Variants in ARHGAP28 observed in about 807,000 individuals in gnomAD.
The protein encoded by ARHGAP28 is Rho GTPase activating protein 28, also known as rho GTPase-activating protein 28.
In ARHGAP28, 56 loss-of-function variants were observed where a neutral mutation model predicts 90.7. That is an observed-to-expected ratio of 0.62 (90% CI 0.50 to 0.77). The LOEUF is 0.77. Among genes scored for constraint, ARHGAP28 ranks in the 30% least tolerant of loss-of-function variants. The pLI is 0.00. For synonymous variants in ARHGAP28, 308 were observed against 323.3 expected (o/e 0.95, Z 0.51); for missense variants, 869 against 900.9 (o/e 0.96, Z 0.45).
rs761051990 is a variant in ARHGAP28 at position 6,873,732 on chromosome 18, G to A, written c.1169G>A (p.Arg390Gln). The A allele has an allele frequency of 2.4e-5, 38 of 1,613,900 alleles. 1 individual carries two copies. Among genetic ancestry groups the A allele is most frequent in the South Asian group, 1.5e-4 (14 of 91,062 alleles). ...CTTACAGTCCTCCTGGACGGTGACC[G>A]AAAGAAAGACCCTGGAGTGAAAGTT... ...VPLTVLLDGD[R>Q]KKDPGVKVPL... The change falls in exon 9 of 18, where the codon CGA becomes CAA. Residue 390 changes from arginine (R) to glutamine (Q), a missense_variant. Transcript: ENST00000383472.
At chr18:6,898,569 A>G (rs2057321321) in intron 16 of ARHGAP28, 1 of 1,612,496 alleles carries the variant, frequency 6.2e-7, no homozygotes, top group African/African-American at 1.3e-5. Flanking sequence ...GGACATCTCC[A>G]CATAGGCAGT....
intron 1 of ARHGAP28, among the ~76,000 whole-genome samples, chr18:6,814,551 G>A (rs949862772): frequency 2.0e-5 from 3 of 152,154 alleles, no homozygotes; most frequent in Admixed American, 1.3e-4. Flanking sequence ...AGAAGAAACA[G>A]GGGCTAAATG....
rs768682890 is a variant in ARHGAP28 at position 6,873,704 on chromosome 18, C to T, written c.1141C>T (p.Pro381Ser). ...TGAAGACAATGGGATTTTTGGAGTT[C>T]CACTTACAGTCCTCCTGGACGGTGA... is the stretch of plus-strand genomic sequence containing the variant. ...KGRDNGIFGV[P>S]LTVLLDGDRK... Residue 381 changes from proline (P) to serine (S), a missense_variant, in exon 9 of 18, where the codon CCA (proline) becomes TCA (serine). Pro to Ser is a moderately conservative substitution (Grantham distance 74). Coordinates refer to ENST00000383472, the MANE Select transcript of ARHGAP28 (RefSeq NM_001366230.1). The T allele has an allele frequency of 1.9e-6, 3 of 1,613,660 alleles. No individual in the cohort carries two copies. Among genetic ancestry groups the T allele is most frequent in the East Asian group, 2.2e-5 (1 of 44,856 alleles).
intron 17 of ARHGAP28, 37 bp downstream of exon 17, chr18:6,909,061 C>A: frequency 1.8e-6 from 2 of 1,110,350 alleles, no homozygotes; most frequent in South Asian, 1.4e-5. Context: ...GCTAAATTCT[C>A]TGATTACTCT....
At chr18:6,735,932 C>T (rs7244867) in intron 1 of ARHGAP28, among the ~76,000 whole-genome samples, 5,538 of 152,154 alleles carry the variant, frequency 0.036, 346 homozygotes, top group African/African-American at 0.13. Context: ...GGGTATGCGA[C>T]GTTGACATCT....
chr18:6,842,224 G>A (rs4798496), intron 3 of ARHGAP28, among the ~76,000 whole-genome samples: 45,851 of 151,922 alleles, frequency 0.3, 7,657 homozygotes, highest in Non-Finnish European at 0.37. Flanking sequence ...GCGGTGGCAC[G>A]TACCTGCTGT....
At chr18:6,743,547 A>G (rs1430664469) in intron 1 of ARHGAP28, among the ~76,000 whole-genome samples, 1 of 152,214 alleles carries the variant, frequency 6.6e-6, no homozygotes, top group African/African-American at 2.4e-5. Context: ...GAGAAAATAC[A>G]CTAAATTAAC....
intron 1 of ARHGAP28, among the ~76,000 whole-genome samples, chr18:6,777,421 A>G (rs981040616): frequency 3.3e-5 from 5 of 152,312 alleles, no homozygotes; most frequent in African/African-American, 7.2e-5. Flanking sequence ...CTCAAGAGCA[A>G]TTAGCCCAAA....
At chr18:6,788,178 T>C (rs907542802) in intron 1 of ARHGAP28, among the ~76,000 whole-genome samples, 57 of 152,136 alleles carry the variant, frequency 3.7e-4, no homozygotes, top group African/African-American at 1.4e-3. Context: ...CCTACCCTTG[T>C]TACTGTATAG....
At chr18:6,864,580 A>G (rs1327141192) in intron 5 of ARHGAP28, among the ~76,000 whole-genome samples, 1 of 152,174 alleles carries the variant, frequency 6.6e-6, no homozygotes, top group Non-Finnish European at 1.5e-5. Flanking sequence ...TGTGATGGTA[A>G]ATATTACTCA....
chr18:6,910,707 G>C (rs1478535030), intron 17 of ARHGAP28, among the ~76,000 whole-genome samples: 1 of 152,010 alleles, frequency 6.6e-6, no homozygotes. Flanking sequence ...TAGTTGCCTT[G>C]TGCTGCTCTT....
At chr18:6,850,942 A>G (rs2056905509) in intron 3 of ARHGAP28, 92 bp from the exon 4 acceptor site, 2 of 1,561,474 alleles carry the variant, frequency 1.3e-6, no homozygotes, top group Non-Finnish European at 1.7e-6. Flanking sequence ...CTGTACATAT[A>G]TATAAAAACT....
chr18:6,778,348 G>A (rs1378051013), intron 1 of ARHGAP28, among the ~76,000 whole-genome samples: 1 of 152,304 alleles, frequency 6.6e-6, no homozygotes, highest in Admixed American at 6.5e-5. Context: ...TCCTAAAAAT[G>A]TATGAGTTTC....
intron 17 of ARHGAP28, among the ~76,000 whole-genome samples, chr18:6,911,161 C>A (rs1039211416): frequency 9.2e-5 from 14 of 152,266 alleles, no homozygotes; most frequent in African/African-American, 3.4e-4. Flanking sequence ...TTTGAGACTT[C>A]AGCATACATT....
chr18:6,898,606 A>G, intron 16 of ARHGAP28: 1 of 1,592,708 alleles, frequency 6.3e-7, no homozygotes, highest in South Asian at 1.2e-5. Context: ...ATATCATTCA[A>G]GGGATTTGGG....
chr18:6,839,592 C>A (rs117549231), intron 3 of ARHGAP28, among the ~76,000 whole-genome samples: 2 of 152,138 alleles, frequency 1.3e-5, no homozygotes, highest in Non-Finnish European at 2.9e-5. Context: ...CCACTGCGCC[C>A]GGCCATAATT....
At chr18:6,803,064 C>A (rs1230901449) in intron 1 of ARHGAP28, among the ~76,000 whole-genome samples, 1 of 151,970 alleles carries the variant, frequency 6.6e-6, no homozygotes, top group Admixed American at 6.6e-5. Context: ...TCTTTCCAAT[C>A]TGGATACCTT....
intron 1 of ARHGAP28, among the ~76,000 whole-genome samples, chr18:6,745,712 G>A (rs543549658): frequency 6.6e-6 from 1 of 152,308 alleles, no homozygotes; most frequent in Non-Finnish European, 1.5e-5. Flanking sequence ...AGCCATCACA[G>A]CATGTATGAT....
At chr18:6,846,933 A>G (rs2056870427) in intron 3 of ARHGAP28, among the ~76,000 whole-genome samples, 1 of 152,124 alleles carries the variant, frequency 6.6e-6, no homozygotes, top group African/African-American at 2.4e-5. Flanking sequence ...TTGGGAGAGG[A>G]GGACACCGCA....
Sources: gnomAD v4.1 joint callset for allele counts (sites outside exome capture counted in the v4.1 genomes callset) on GRCh38, gnomAD v4.1.1 for gene constraint, MANE v1.5 for transcripts, NCBI Gene and HGNC (gene_info 2026-07-23, HGNC 2026-07-21) for gene names.